The following MCM9 variants were observed in gnomAD, a reference collection of about 807,000 sequenced individuals.
The protein encoded by MCM9 is minichromosome maintenance 9 homologous recombination repair factor, also known as DNA helicase MCM9.
A neutral mutation model predicts 72.8 loss-of-function variants in MCM9; 55 were observed. That is an observed-to-expected ratio of 0.76 (90% confidence interval 0.61 to 0.95). MCM9 has a LOEUF of 0.95. MCM9 is among the 40% of genes least tolerant of loss of function. MCM9 has a pLI of 0.00. For synonymous variants in MCM9, 480 were observed against 503.4 expected (o/e 0.95, Z 0.62); for missense variants, 1,279 against 1,377.0 (o/e 0.93, Z 1.13).
chr6:118,927,065 T>G (rs925981872), intron 3 of MCM9, among the ~76,000 whole-genome samples: 7 of 152,224 alleles, frequency 4.6e-5, no homozygotes, highest in African/African-American at 1.7e-4. Flanking sequence ...TTCTGAAATA[T>G]TCATTCTCTC....
At chr6:118,901,941 A>C (rs1779820539) in intron 8 of MCM9, among the ~76,000 whole-genome samples, 2 of 152,204 alleles carry the variant, frequency 1.3e-5, no homozygotes, top group Admixed American at 1.3e-4. Flanking sequence ...ACTTAGACAC[A>C]TGCCATCTCT....
At chr6:118,843,728 A>G (rs549888950) in intron 9 of MCM9, among the ~76,000 whole-genome samples, 1,843 of 136,508 alleles carry the variant, frequency 0.014, 50 homozygotes, top group Middle Eastern at 0.047. Flanking sequence ...ATGTATATAT[A>G]TATATATATA....
intron 8 of MCM9, among the ~76,000 whole-genome samples, chr6:118,910,116 CAAA>C (rs67533661): frequency 1.8e-4 from 20 of 110,734 alleles, no homozygotes; most frequent in Admixed American, 3.6e-4. Context: ...GACTCTATCT[CAAA>C]AAAAAAAAAA....
intron 8 of MCM9, among the ~76,000 whole-genome samples, chr6:118,890,986 T>C (rs1477608144): frequency 6.6e-6 from 1 of 152,246 alleles, no homozygotes; most frequent in Admixed American, 6.5e-5. Flanking sequence ...GGGCTGACAC[T>C]CAATTTAATT....
intron 8 of MCM9, among the ~76,000 whole-genome samples, chr6:118,867,306 A>G (rs138619801): frequency 0.021 from 3,265 of 152,310 alleles, 55 homozygotes; most frequent in African/African-American, 0.05. Flanking sequence ...TGAAAAACTC[A>G]TATTGCCTAG....
At chr6:118,891,658 A>C (rs1264823262) in intron 8 of MCM9, among the ~76,000 whole-genome samples, 1 of 152,156 alleles carries the variant, frequency 6.6e-6, no homozygotes, top group Non-Finnish European at 1.5e-5. Context: ...CATTTAACTT[A>C]ATCTCCAAAT....
chr6:118,894,632 G>T, intron 8 of MCM9: 1 of 972,590 alleles, frequency 1.0e-6, no homozygotes, highest in Non-Finnish European at 1.5e-6. Context: ...TGGCGGCCGC[G>T]GGCTGCTCTG....
Position 118,913,390 on chromosome 6 carries a change from G to A in MCM9, c.935C>T (p.Pro312Leu). 2 of 1,613,914 alleles carry A rather than the reference G, an allele frequency of 1.2e-6. No individual in the cohort carries two copies. The highest frequency in any genetic ancestry group is 1.7e-6 in the Non-Finnish European group (2 of 1,179,960). Residue 312 changes from proline to leucine, a missense_variant, in exon 7 of 14, where the codon CCT becomes CTT. Physicochemically the swap from Pro to Leu is moderately conservative, Grantham distance 98. Coordinates refer to ENST00000619706, the MANE Select transcript of MCM9 (RefSeq NM_017696.3). Reference sequence around the variant, plus strand: ...TACTAGATACATTCCAAACACTTGAGGGCACAAGCTAGCCAATATTACATT... The same window carrying A: ...TACTAGATACATTCCAAACACTTGAAGGCACAAGCTAGCCAATATTACATT... ...GRNVILASLCPQVFGMYLVKL... is the reference protein window; with the variant it reads ...GRNVILASLCLQVFGMYLVKL...
At chr6:118,902,156 T>C (rs1370677150) in intron 8 of MCM9, among the ~76,000 whole-genome samples, 2 of 152,192 alleles carry the variant, frequency 1.3e-5, no homozygotes, top group Non-Finnish European at 2.9e-5. Context: ...GTAAAAGACA[T>C]GGGTAACAGA....
chr6:118,873,089 T>C (rs1205426167), intron 8 of MCM9, among the ~76,000 whole-genome samples: 3 of 150,978 alleles, frequency 2.0e-5, no homozygotes, highest in African/African-American at 7.3e-5. Context: ...AGAGGACCAC[T>C]TGGGCCTGAG....
intron 9 of MCM9, among the ~76,000 whole-genome samples, chr6:118,836,029 C>A (rs912753793): frequency 6.6e-6 from 1 of 152,090 alleles, no homozygotes; most frequent in Non-Finnish European, 1.5e-5. Flanking sequence ...TCCATCAATA[C>A]CTAGTTTATT....
intron 8 of MCM9, among the ~76,000 whole-genome samples, chr6:118,877,536 T>C (rs1331077243): frequency 1.3e-5 from 2 of 152,252 alleles, no homozygotes; most frequent in Non-Finnish European, 2.9e-5. Context: ...TTTAAAAATC[T>C]GACAGTGCAA....
At chr6:118,857,343 A>T (rs552560313) in intron 8 of MCM9, among the ~76,000 whole-genome samples, 1 of 152,194 alleles carries the variant, frequency 6.6e-6, no homozygotes, top group Non-Finnish European at 1.5e-5. Flanking sequence ...CCTGTATACC[A>T]GTCAATAAAG....
At chr6:118,819,033 G>A (rs1477715220) in intron 13 of MCM9, among the ~76,000 whole-genome samples, 2 of 152,272 alleles carry the variant, frequency 1.3e-5, no homozygotes, top group East Asian at 3.9e-4. Context: ...AGATGATGGG[G>A]TTTTCTAAAT....
chr6:118,858,759 A>T (rs1329958558), intron 8 of MCM9, among the ~76,000 whole-genome samples: 1 of 152,162 alleles, frequency 6.6e-6, no homozygotes, highest in African/African-American at 2.4e-5. Flanking sequence ...GACAGAGGAA[A>T]TCATGACAAC....
In MCM9 at chr6:118,845,381, T is replaced by G. The variant is rs184607335; in HGVS notation, c.1325+10990A>C. Among the ~76,000 whole-genome samples, 84 of 151,980 alleles carry G rather than the reference T, an allele frequency of 5.5e-4. 2 individuals carry two copies. Among genetic ancestry groups the G allele is most frequent in the African/African-American group, 1.9e-3 (79 of 41,254 alleles). Reference sequence around the variant, plus strand: ...AGTAGTTACGGAGAGTTCAGTAATGTGCTCAGCTAGCAAGTTGTGAAGCTG... The same window carrying G: ...AGTAGTTACGGAGAGTTCAGTAATGGGCTCAGCTAGCAAGTTGTGAAGCTG... On this transcript the variant is annotated intron_variant, in intron 9 of 13. Coordinates refer to ENST00000619706, the MANE Select transcript of MCM9 (RefSeq NM_017696.3).
At chr6:118,883,903 G>T (rs1778446189) in intron 8 of MCM9, among the ~76,000 whole-genome samples, 1 of 152,106 alleles carries the variant, frequency 6.6e-6, no homozygotes, top group Admixed American at 6.5e-5. Context: ...AATGAGCACT[G>T]GCAAAGGTAA....
chr6:118,892,248 G>C (rs920608298), intron 8 of MCM9, among the ~76,000 whole-genome samples: 3 of 152,220 alleles, frequency 2.0e-5, no homozygotes, highest in Admixed American at 6.5e-5. Flanking sequence ...GCAGCTTCCA[G>C]TGAAATGTTG....
At chr6:118,855,287 C>A (rs1776482930) in intron 9 of MCM9, among the ~76,000 whole-genome samples, 1 of 152,176 alleles carries the variant, frequency 6.6e-6, no homozygotes, top group African/African-American at 2.4e-5. Context: ...TTTCTTATAA[C>A]ACTTCTATTG....
Sources: allele counts gnomAD v4.1 joint callset (sites outside exome capture counted in the v4.1 genomes callset), GRCh38; gene constraint gnomAD v4.1.1; transcripts MANE v1.5; gene names NCBI Gene and HGNC (gene_info 2026-07-23, HGNC 2026-07-21).